The following BMPR1B variants were observed in gnomAD, a reference collection of about 807,000 sequenced individuals.
BMPR1B encodes bone morphogenetic protein receptor type 1B, also known as bone morphogenetic protein receptor type-1B.
A neutral mutation model predicts 59.1 loss-of-function variants in BMPR1B; 12 were observed. That is an observed-to-expected ratio of 0.20 (90% CI 0.13 to 0.33). BMPR1B has a LOEUF of 0.33. Among genes scored for constraint, BMPR1B ranks in the 10% least tolerant of loss-of-function variants. The probability of loss-of-function intolerance (pLI) is 1.00; values close to 1 mark genes in which losing one functional copy is unlikely to be tolerated. For synonymous variants in BMPR1B, 237 were observed against 207.3 expected, an observed-to-expected ratio of 1.14 and a Z score of -1.23; for missense variants, 550 against 610.9, an observed-to-expected ratio of 0.90 and a Z score of 1.05.
chr4:94,780,748 G>A (rs1477773298), intron 1 of BMPR1B, among the ~76,000 whole-genome samples: 1 of 145,476 alleles, frequency 6.9e-6, no homozygotes, highest in African/African-American at 2.6e-5. Flanking sequence ...GAGTGCAGTG[G>A]TGCCATCTCA....
intron 3 of BMPR1B, among the ~76,000 whole-genome samples, chr4:95,003,887 A>G (rs1722637691): frequency 6.9e-6 from 1 of 144,932 alleles, no homozygotes; most frequent in African/African-American, 2.6e-5. Context: ...AGCTCAATAC[A>G]ACCTCCTTCT....
intron 1 of BMPR1B, among the ~76,000 whole-genome samples, chr4:94,868,696 C>T (rs1409290711): frequency 6.6e-6 from 1 of 152,158 alleles, no homozygotes; most frequent in African/African-American, 2.4e-5. Flanking sequence ...AGGCTGTGAA[C>T]AACAGAGTGA....
chr4:95,059,626 A>G (rs1300880791), intron 3 of BMPR1B, among the ~76,000 whole-genome samples: 3 of 112,734 alleles, frequency 2.7e-5, no homozygotes, highest in Non-Finnish European at 6.0e-5. Flanking sequence ...TTAACCTATT[A>G]TGGTAAAAAA....
chr4:95,017,892 C>T (rs976982888), intron 3 of BMPR1B, among the ~76,000 whole-genome samples: 10 of 152,080 alleles, frequency 6.6e-5, no homozygotes, highest in Admixed American at 6.6e-4. Context: ...AGATAAGATG[C>T]TTTTATGTCA....
intron 3 of BMPR1B, among the ~76,000 whole-genome samples, chr4:95,063,346 C>T (rs372865614): frequency 1.3e-5 from 2 of 152,074 alleles, no homozygotes; most frequent in East Asian, 3.8e-4. Context: ...GATAGTTGCT[C>T]TTTCAGATAT....
Position 94,860,876 on chromosome 4 carries a change from A to T in BMPR1B, c.-182-14955A>T, listed in dbSNP as rs1420633161. 2.7e-5 allele frequency among the ~76,000 whole-genome samples: 4 copies of T among 148,628 alleles called. No individual in the cohort carries two copies. In the East Asian group the frequency reaches 7.8e-4, roughly 29 times the overall value. ...CTTTCACGAGATCCCATCCCATTCC[A>T]TTTTCTTTCATTTTATTCTGTATTC... On this transcript the variant is annotated intron_variant, in intron 1 of 12. Transcript: ENST00000515059.
intron 1 of BMPR1B, among the ~76,000 whole-genome samples, chr4:94,870,330 T>A (rs1053758275): frequency 1.4e-5 from 2 of 145,474 alleles, no homozygotes; most frequent in African/African-American, 5.7e-5. Context: ...TGGAGTGTCT[T>A]GCTGGTTGGA....
At chr4:94,982,858 G>T (rs552224427) in intron 2 of BMPR1B, among the ~76,000 whole-genome samples, 102 of 152,164 alleles carry the variant, frequency 6.7e-4, no homozygotes, top group African/African-American at 2.0e-3. Context: ...GATGGTGGGC[G>T]CCTGTAGTCC....
At chr4:95,099,783 C>T (rs1730693525) in intron 3 of BMPR1B, among the ~76,000 whole-genome samples, 1 of 152,126 alleles carries the variant, frequency 6.6e-6, no homozygotes, top group Admixed American at 6.6e-5. Context: ...AATAACTGTA[C>T]TACTCTTTCT....
intron 3 of BMPR1B, among the ~76,000 whole-genome samples, chr4:95,071,650 GTGTATATATATA>G (rs1229723016): frequency 1.4e-4 from 11 of 78,450 alleles, no homozygotes; most frequent in Admixed American, 4.5e-4. Context: ...GTGTGTGTGT[GTGTATATATATA>G]TATATATATA....
intron 3 of BMPR1B, among the ~76,000 whole-genome samples, chr4:95,030,344 G>C (rs1307580482): frequency 1.3e-5 from 2 of 152,224 alleles, no homozygotes; most frequent in African/African-American, 2.4e-5. Context: ...TGGCTAGCCA[G>C]TTTTCCCAGC....
intron 2 of BMPR1B, among the ~76,000 whole-genome samples, chr4:94,982,569 C>T (rs772967878): frequency 2.6e-5 from 4 of 152,172 alleles, no homozygotes; most frequent in Non-Finnish European, 4.4e-5. Flanking sequence ...TCCTGGGTAT[C>T]TGGATTTTTA....
intron 2 of BMPR1B, among the ~76,000 whole-genome samples, chr4:94,917,076 A>G (rs1273701984): frequency 2.0e-5 from 3 of 152,348 alleles, no homozygotes; most frequent in African/African-American, 7.2e-5. Flanking sequence ...CCCAGAACGA[A>G]AGAGTGAAGA....
At chr4:94,991,031 T>C (rs926855164) in intron 2 of BMPR1B, among the ~76,000 whole-genome samples, 11 of 152,212 alleles carry the variant, frequency 7.2e-5, no homozygotes, top group African/African-American at 2.7e-4. Flanking sequence ...ATTGTGCATT[T>C]CAGTGGTTTT....
chr4:95,116,419 G>GCA lies in BMPR1B; in HGVS notation c.349+633_349+634insAC, dbSNP rs1168592798. Among the ~76,000 whole-genome samples, 168 of 51,136 alleles carry GCA rather than the reference G, an allele frequency of 3.3e-3. 1 individual carries two copies. The highest frequency in any genetic ancestry group is 7.6e-3 in the African/African-American group (90 of 11,888). 33.5% of individuals were successfully genotyped at this position (51,136 alleles called of 152,430 possible). A position where few individuals can be genotyped will look rare whatever the true frequency, so the allele number is the denominator to read the frequency against. ...TTCTCCTCCTCCATGCTTTCAGCGC[G>GCA]CGCACACACACACACACACACACAC... On this transcript the variant is annotated intron_variant, in intron 6 of 12. Transcript: ENST00000515059.
chr4:94,987,097 TACTATA>T (rs1721459905), intron 2 of BMPR1B, among the ~76,000 whole-genome samples: 1 of 16,618 alleles, frequency 6.0e-5, no homozygotes, highest in South Asian at 1.5e-3. Context: ...GTATTATATA[TACTATA>T]TATGTATATA....
At chr4:95,016,549 T>A (rs573979253) in intron 3 of BMPR1B, among the ~76,000 whole-genome samples, 1 of 152,336 alleles carries the variant, frequency 6.6e-6, no homozygotes, top group South Asian at 2.1e-4. Flanking sequence ...CTAAAAAGGA[T>A]GTTAAAATAT....
At chr4:94,903,776 A>G (rs73836191) in intron 2 of BMPR1B, among the ~76,000 whole-genome samples, 4,505 of 152,048 alleles carry the variant, frequency 0.03, 140 homozygotes, top group African/African-American at 0.073. Context: ...GTGTTAGGAC[A>G]CAGTAGAGAG....
At chr4:94,949,682 A>G (rs549147525) in intron 2 of BMPR1B, among the ~76,000 whole-genome samples, 75 of 151,690 alleles carry the variant, frequency 4.9e-4, no homozygotes, top group Admixed American at 3.4e-3. Flanking sequence ...TCTTTATTCA[A>G]TCTGTCATTG....
Sources: allele counts gnomAD v4.1 joint callset (sites outside exome capture counted in the v4.1 genomes callset), GRCh38; gene constraint gnomAD v4.1.1; transcripts MANE v1.5; gene names NCBI Gene and HGNC (gene_info 2026-07-23, HGNC 2026-07-21).